Variants in PYY observed in about 807,000 individuals in gnomAD.
The protein encoded by PYY is peptide YY.
Under a neutral mutation model 10.3 loss-of-function variants are expected in PYY, and 12 were observed. The observed-to-expected ratio is 1.17, with a 90% CI of 0.75 to 1.89. The LOEUF is 1.89. Among genes scored for constraint, PYY ranks in the 40% most tolerant of loss-of-function variants. PYY has a pLI of 0.00. For synonymous variants in PYY, 66 were observed against 62.0 expected (o/e 1.06, Z -0.30); for missense variants, 141 against 134.0 (o/e 1.05, Z -0.26).
At chr17:43,995,256 C>T (rs1328302625) in intron 1 of PYY, among the ~76,000 whole-genome samples, 1 of 152,206 alleles carries the variant, frequency 6.6e-6, no homozygotes, top group Non-Finnish European at 1.5e-5. Context: ...CTCCTATCCG[C>T]ACATTAACTT....
At position 43,952,854 on chromosome 17, in the gene PYY, A is replaced by G. The variant is rs1325173951; in HGVS notation, c.*102T>C. ...AGGGCCGCACCCGAACCCTGCCCAG[A>G]CGCCGCCGTCGGGAGGCAGAATCCG... On this transcript the variant is annotated 3_prime_UTR_variant, in exon 4 of 4. Transcript: ENST00000692052. 16 of 1,338,840 alleles carry G rather than the reference A, an allele frequency of 1.2e-5. No homozygotes were observed. The highest frequency in any genetic ancestry group is 1.5e-5 in the African/African-American group (1 of 65,920). The allele number at this position is 1,338,840 out of a possible 1,614,324, so 82.9% of individuals were successfully genotyped here.
At position 43,952,772 on chromosome 17, in the gene PYY, G is replaced by T; in HGVS notation, c.*184C>A. On this transcript the variant is annotated 3_prime_UTR_variant, in exon 4 of 4. Coordinates refer to ENST00000692052, the MANE Select transcript of PYY (RefSeq NM_001394028.1). ...AATTTGCTCTTTATTTTGGGACCAG[G>T]GAAGGACCACACACAGCCCTCCAGC... 2 of 561,754 alleles carry T rather than the reference G, an allele frequency of 3.6e-6. No homozygotes were observed. The highest frequency in any genetic ancestry group is 3.2e-5 in the East Asian group (1 of 31,498). 34.8% of individuals were successfully genotyped at this position (561,754 alleles called of 1,614,324 possible).
At chr17:43,999,585 G>A (rs1034744734) in intron 1 of PYY, among the ~76,000 whole-genome samples, 2 of 151,964 alleles carry the variant, frequency 1.3e-5, no homozygotes, top group African/African-American at 4.8e-5. Context: ...TGGCTAAAAT[G>A]GTGAAACCCT....
At chr17:43,993,334 C>T (rs904757840) in intron 1 of PYY, among the ~76,000 whole-genome samples, 2 of 152,068 alleles carry the variant, frequency 1.3e-5, no homozygotes, top group Non-Finnish European at 2.9e-5. Flanking sequence ...GTGGTGGTGT[C>T]TGTAGTCCCA....
chr17:43,998,245 ATTT>A (rs34211722), intron 1 of PYY, among the ~76,000 whole-genome samples: 1 of 147,346 alleles, frequency 6.8e-6, no homozygotes. Context: ...GAACCCACAG[ATTT>A]TTTTTTTTTT....
At chr17:43,956,141 C>T (rs2048670396), upstream of PYY, among the ~76,000 whole-genome samples, 3 of 152,052 alleles carry the variant, frequency 2.0e-5, no homozygotes, top group Non-Finnish European at 2.9e-5. Flanking sequence ...AGCTAGAGGG[C>T]ATGGGGTGGC....
At chr17:43,989,701 G>T (rs1163463980) in intron 1 of PYY, among the ~76,000 whole-genome samples, 2 of 150,516 alleles carry the variant, frequency 1.3e-5, no homozygotes, top group Non-Finnish European at 3.0e-5. Flanking sequence ...CAGCACTTTG[G>T]GAGGCTGAGG....
chr17:43,974,625 G>A (rs2048816736), intron 1 of PYY, among the ~76,000 whole-genome samples: 1 of 152,138 alleles, frequency 6.6e-6, no homozygotes, highest in Non-Finnish European at 1.5e-5. Context: ...CTCAATGTAA[G>A]CACCCCATAA....
At chr17:43,976,213 A>G (rs1348466694) in intron 1 of PYY, among the ~76,000 whole-genome samples, 1 of 141,866 alleles carries the variant, frequency 7.0e-6, no homozygotes, top group Non-Finnish European at 1.5e-5. Context: ...ACATATACGT[A>G]TATGTATACA....
intron 1 of PYY, among the ~76,000 whole-genome samples, chr17:44,002,950 A>C (rs1048808265): frequency 6.6e-6 from 1 of 152,242 alleles, no homozygotes; most frequent in Admixed American, 6.5e-5. Context: ...GTTACCAAGA[A>C]AGCAGGCAAG....
upstream of PYY, among the ~76,000 whole-genome samples, chr17:43,958,858 A>G (rs915783868): frequency 3.2e-4 from 48 of 152,238 alleles, no homozygotes; most frequent in Non-Finnish European, 7.3e-5. Context: ...ATATAATTGA[A>G]TTAAATATTA....
chr17:43,981,386 T>A (rs945555841), intron 1 of PYY, among the ~76,000 whole-genome samples: 2 of 152,214 alleles, frequency 1.3e-5, no homozygotes, highest in African/African-American at 4.8e-5. Context: ...GGCATCATGT[T>A]TGTCTTTTCA....
intron 1 of PYY, among the ~76,000 whole-genome samples, chr17:43,970,667 G>A (rs191637521): frequency 9.2e-5 from 14 of 152,252 alleles, no homozygotes; most frequent in African/African-American, 3.1e-4. Context: ...TCCTAGAACC[G>A]CCAGCATAGT....
At chr17:44,002,687 G>C (rs2049036627) in intron 1 of PYY, among the ~76,000 whole-genome samples, 1 of 152,206 alleles carries the variant, frequency 6.6e-6, no homozygotes, top group East Asian at 1.9e-4. Context: ...CTGCTTCCTA[G>C]ACCAGCTCCA....
rs1182046989 is a variant in PYY at position 43,952,804 on chromosome 17, G to A, written c.*152C>T. The A allele has an allele frequency of 3.8e-6, 3 of 779,744 alleles. No individual in the cohort carries two copies. Among genetic ancestry groups the A allele is most frequent in the Non-Finnish European group, 6.0e-6 (3 of 498,616 alleles). 48.3% of individuals were successfully genotyped at this position (779,744 alleles called of 1,614,324 possible). A position where few individuals can be genotyped will look rare whatever the true frequency, so the allele number is the denominator to read the frequency against. On this transcript the variant is annotated 3_prime_UTR_variant, in exon 4 of 4. Coordinates refer to ENST00000692052, the MANE Select transcript of PYY (RefSeq NM_001394028.1). ...CCACACACAGCCCTCCAGCCCAGGG[G>A]GCGGGGGCACCGAGACGCGGGCGGA...
intron 1 of PYY, among the ~76,000 whole-genome samples, chr17:43,978,320 AGG>A (rs72540149): frequency 2.8e-5 from 1 of 35,476 alleles, no homozygotes; most frequent in Admixed American, 3.6e-4. Flanking sequence ...GAAGGAAGGA[AGG>A]GAAGGGAAGA....
At chr17:44,002,185 CAG>C (rs1176214485) in intron 1 of PYY, among the ~76,000 whole-genome samples, 1 of 152,184 alleles carries the variant, frequency 6.6e-6, no homozygotes, top group Non-Finnish European at 1.5e-5. Flanking sequence ...CCTTCCACTA[CAG>C]AGTCTCCCCC....
intron 1 of PYY, among the ~76,000 whole-genome samples, chr17:43,994,921 C>A (rs2048981371): frequency 6.6e-6 from 1 of 152,082 alleles, no homozygotes; most frequent in South Asian, 2.1e-4. Flanking sequence ...TATCAGGAGT[C>A]GCCCCAGCCT....
At chr17:43,994,777 G>C (rs1363024323) in intron 1 of PYY, among the ~76,000 whole-genome samples, 1 of 152,214 alleles carries the variant, frequency 6.6e-6, no homozygotes, top group Non-Finnish European at 1.5e-5. Flanking sequence ...CCCACGAGCT[G>C]CGTTTTCCCG....
Sources: allele counts gnomAD v4.1 joint callset (sites outside exome capture counted in the v4.1 genomes callset), GRCh38; gene constraint gnomAD v4.1.1; transcripts MANE v1.5; gene names NCBI Gene and HGNC (gene_info 2026-07-23, HGNC 2026-07-21).